RGS6: variants seen among roughly 807,000 people sequenced by gnomAD.
The protein encoded by RGS6 is regulator of G-protein signaling 6.
In RGS6, 30 loss-of-function variants were observed where a neutral mutation model predicts 78.5. The ratio of observed to expected loss-of-function variants is 0.38; its 90% confidence interval spans 0.29 to 0.52. The LOEUF is 0.52. Among genes scored for constraint, RGS6 ranks in the 20% least tolerant of loss-of-function variants. The pLI is 0.85. For missense variants in RGS6, 495 were observed against 609.7 expected (o/e 0.81, Z 1.98); for synonymous variants, 206 against 206.0 (o/e 1.00, Z 0.00).
At chr14:72,138,934 C>T (rs941498520) in intron 2 of RGS6, among the ~76,000 whole-genome samples, 6 of 152,084 alleles carry the variant, frequency 3.9e-5, no homozygotes, top group Admixed American at 6.6e-5. Flanking sequence ...GATAATAAAG[C>T]GTACAATAAA....
At chr14:71,942,301 T>TA (rs1346963596) in intron 1 of RGS6, among the ~76,000 whole-genome samples, 1 of 152,196 alleles carries the variant, frequency 6.6e-6, no homozygotes. Flanking sequence ...ACTTCACCGT[T>TA]ACCTCTCTCA....
chr14:71,925,936 C>T, the RGS6 span, among the ~76,000 whole-genome samples: 1 of 151,958 alleles, frequency 6.6e-6, no homozygotes, highest in East Asian at 1.9e-4. Context: ...GAATAAAATG[C>T]TTACAAATAA....
At chr14:72,485,548 A>G (rs1438215010) in intron 12 of RGS6, among the ~76,000 whole-genome samples, 1 of 152,196 alleles carries the variant, frequency 6.6e-6, no homozygotes, top group African/African-American at 2.4e-5. Context: ...ACATGTTCTG[A>G]AAGAGACAAC....
At chr14:72,190,740 G>A (rs977081259) in intron 2 of RGS6, among the ~76,000 whole-genome samples, 2 of 152,236 alleles carry the variant, frequency 1.3e-5, no homozygotes, top group Non-Finnish European at 2.9e-5. Context: ...ACTTATTACT[G>A]TTGGTGTGGT....
chr14:72,051,767 T>G (rs1045321567), intron 2 of RGS6, among the ~76,000 whole-genome samples: 1 of 152,230 alleles, frequency 6.6e-6, no homozygotes, highest in African/African-American at 2.4e-5. Flanking sequence ...CCATAACTTT[T>G]AGTATGTGAG....
chr14:72,411,657 T>G lies in RGS6; in HGVS notation c.185-42871T>G, dbSNP rs373902028. Reference sequence around the variant, plus strand: ...CCTGTCTTGTGCCAGTTTTCAAAGGTAATGCTTCCAGTTTTTGTCCATTCA... The same window carrying G: ...CCTGTCTTGTGCCAGTTTTCAAAGGGAATGCTTCCAGTTTTTGTCCATTCA... On this transcript the variant is annotated intron_variant, in intron 3 of 17. Coordinates refer to ENST00000553525, the MANE Select transcript of RGS6 (RefSeq NM_001204424.2). 3.5e-3 allele frequency among the ~76,000 whole-genome samples: 530 copies of G among 152,214 alleles called. 11 individuals are homozygous for G. The East Asian group carries it at 0.067, about 19-fold the overall frequency.
the RGS6 span, among the ~76,000 whole-genome samples, chr14:72,586,282 T>C: frequency 6.6e-6 from 1 of 152,226 alleles, no homozygotes; most frequent in East Asian, 1.9e-4. Flanking sequence ...GTTTGGGTTG[T>C]AGGAGTGAAG....
At chr14:71,990,055 G>C (rs1182349081) in intron 2 of RGS6, among the ~76,000 whole-genome samples, 1 of 152,150 alleles carries the variant, frequency 6.6e-6, no homozygotes, top group African/African-American at 2.4e-5. Flanking sequence ...TGTCAGAGAA[G>C]GTCAAAGGAG....
At position 72,416,032 on chromosome 14, in the gene RGS6, C is replaced by T. The variant is rs142449952; in HGVS notation, c.185-38496C>T. The stretch of plus-strand genomic sequence containing the variant: ...GTGGGGTGTTGCGTGCCTGTAATCC[C>T]AGCTTCTCAGGAGGCTGAGGCAAGA... On this transcript the variant is annotated intron_variant, in intron 3 of 17. Transcript: ENST00000553525. Among the ~76,000 whole-genome samples, 76 of 151,838 alleles carry T rather than the reference C, an allele frequency of 5.0e-4. No homozygotes were observed. In the East Asian group the frequency reaches 0.014, roughly 27 times the overall value.
chr14:71,964,890 C>A lies in RGS6; in HGVS notation c.84+15C>A. ...TTTACTGCAAAGTAAGGCGCCTGGT[C>A]AAGTGCCGTGCGTGCTGTCCGTGTG... On this transcript the variant is annotated intron_variant, in intron 2 of 17. Coordinates refer to ENST00000553525, the MANE Select transcript of RGS6 (RefSeq NM_001204424.2). 1 of 1,608,780 alleles carries A rather than the reference C, an allele frequency of 6.2e-7. No individual in the cohort carries two copies. Among genetic ancestry groups the A allele is most frequent in the South Asian group, 1.1e-5 (1 of 90,688 alleles).
At chr14:72,146,145 C>T (rs1338155627) in intron 2 of RGS6, among the ~76,000 whole-genome samples, 3 of 152,036 alleles carry the variant, frequency 2.0e-5, no homozygotes, top group Non-Finnish European at 2.9e-5. Context: ...CAACAGAGGG[C>T]CAAACTCACT....
At chr14:72,519,091 A>G (rs2096993888) in intron 15 of RGS6, among the ~76,000 whole-genome samples, 1 of 152,246 alleles carries the variant, frequency 6.6e-6, no homozygotes, top group Non-Finnish European at 1.5e-5. Context: ...AGACAAGTAA[A>G]TGGGCAACTT....
At chr14:72,159,881 G>A (rs549910564) in intron 2 of RGS6, among the ~76,000 whole-genome samples, 1 of 152,158 alleles carries the variant, frequency 6.6e-6, no homozygotes, top group African/African-American at 2.4e-5. Context: ...ACATGACTAC[G>A]TCTTGCCAAT....
intron 3 of RGS6, among the ~76,000 whole-genome samples, chr14:72,431,644 T>C (rs2094645928): frequency 6.6e-6 from 1 of 152,032 alleles, no homozygotes; most frequent in South Asian, 2.1e-4. Flanking sequence ...CAGGGACATA[T>C]ATTGTATGGT....
At chr14:72,275,790 G>A (rs939871285) in intron 2 of RGS6, among the ~76,000 whole-genome samples, 1 of 152,188 alleles carries the variant, frequency 6.6e-6, no homozygotes, top group Non-Finnish European at 1.5e-5. Context: ...TTGCCTATAT[G>A]TAAGGAACAT....
intron 2 of RGS6, among the ~76,000 whole-genome samples, chr14:72,297,346 T>A (rs927484889): frequency 1.3e-5 from 2 of 151,836 alleles, no homozygotes; most frequent in Non-Finnish European, 2.9e-5. Flanking sequence ...TATTAAGTCA[T>A]TAGATAAACT....
intron 2 of RGS6, among the ~76,000 whole-genome samples, chr14:72,092,349 A>G (rs1467436659): frequency 6.6e-6 from 1 of 151,788 alleles, no homozygotes; most frequent in Non-Finnish European, 1.5e-5. Context: ...ATGTTTTGTC[A>G]TTTATTTACT....
rs545282503 is a variant in RGS6 at position 72,375,054 on chromosome 14, T to G, written c.184+22860T>G. Among the ~76,000 whole-genome samples, 11 of 152,264 alleles carry G rather than the reference T, an allele frequency of 7.2e-5. No homozygotes were observed. In the East Asian group the frequency reaches 1.7e-3, roughly 24 times the overall value. ...TAGAAGATAAAGCAGATAAAAGTACTCAGAATGTATCACGGAAAGGCAGAA... is the reference window on the plus strand; with the variant it reads ...TAGAAGATAAAGCAGATAAAAGTACGCAGAATGTATCACGGAAAGGCAGAA... On this transcript the variant is annotated intron_variant, in intron 3 of 17. Coordinates refer to ENST00000553525, the MANE Select transcript of RGS6 (RefSeq NM_001204424.2).
intron 13 of RGS6, among the ~76,000 whole-genome samples, chr14:72,508,108 G>A (rs571250312): frequency 8.5e-5 from 13 of 152,304 alleles, no homozygotes; most frequent in African/African-American, 2.9e-4. Flanking sequence ...GTCTCCCATT[G>A]TTTGACCTGA....
Sources: allele counts gnomAD v4.1 joint callset (sites outside exome capture counted in the v4.1 genomes callset), GRCh38; gene constraint gnomAD v4.1.1; transcripts MANE v1.5; gene names NCBI Gene and HGNC (gene_info 2026-07-23, HGNC 2026-07-21).